ATP2B1: variants seen among roughly 807,000 people sequenced by gnomAD.
ATP2B1 encodes the protein ATPase plasma membrane Ca2+ transporting 1, also known as plasma membrane calcium-transporting ATPase 1.
ATP2B1 carries 14 observed loss-of-function variants against 124.2 expected under a neutral mutation model. That is an observed-to-expected ratio of 0.11 (90% confidence interval 0.07 to 0.18). The LOEUF (loss-of-function observed/expected upper bound fraction) is 0.18, where lower values mean the gene tolerates loss of function less well. ATP2B1 is among the 10% of genes least tolerant of loss of function. ATP2B1 has a pLI of 1.00. For synonymous variants in ATP2B1, 449 were observed against 492.4 expected, an observed-to-expected ratio of 0.91 and a Z score of 1.17; for missense variants, 763 against 1,466.1, an observed-to-expected ratio of 0.52 and a Z score of 7.83.
At chr12:89,599,477 T>A (rs2135914952) in intron 19 of ATP2B1, among the ~76,000 whole-genome samples, 178 bp from the exon 20 acceptor site, 1 of 152,330 alleles carries the variant, frequency 6.6e-6, no homozygotes, top group South Asian at 2.1e-4. Flanking sequence ...TTCTCTTAGC[T>A]ACACAAAAGA....
intron 2 of ATP2B1, among the ~76,000 whole-genome samples, chr12:89,652,772 C>T (rs548925059): frequency 4.6e-5 from 7 of 152,282 alleles, no homozygotes; most frequent in African/African-American, 1.7e-4. Context: ...GGGTCTCCCT[C>T]TGTTACCCAG....
At chr12:89,699,475 A>G (rs1193314480) in intron 1 of ATP2B1, among the ~76,000 whole-genome samples, 1 of 152,232 alleles carries the variant, frequency 6.6e-6, no homozygotes, top group Non-Finnish European at 1.5e-5. Context: ...TAACAGAATA[A>G]AGAAATAAAT....
intron 3 of ATP2B1, among the ~76,000 whole-genome samples, chr12:89,636,336 T>C (rs1882709954): frequency 6.6e-6 from 1 of 152,062 alleles, no homozygotes; most frequent in African/African-American, 2.4e-5. Flanking sequence ...CAAAATCAAT[T>C]CAGTGGCTCA....
At chr12:89,650,288 T>G (rs1885073151) in intron 2 of ATP2B1, among the ~76,000 whole-genome samples, 1 of 152,198 alleles carries the variant, frequency 6.6e-6, no homozygotes, top group African/African-American at 2.4e-5. Context: ...TCTCATGATT[T>G]TCTCAATTTC....
rs1188151795 is a variant in ATP2B1 at position 89,642,360 on chromosome 12, T to C, written c.209-5A>G. 1 of 1,597,428 alleles carries C rather than the reference T, an allele frequency of 6.3e-7. No homozygotes were observed. The highest frequency in any genetic ancestry group is 8.5e-7 in the Non-Finnish European group (1 of 1,174,614). The stretch of plus-strand genomic sequence containing the variant: ...CTGCAGGGTTTCCACTTAAACCTAA[T>C]AAAAAGAAACAAATTTCAGTGAACA... On this transcript the variant is annotated splice_region_variant and splice_polypyrimidine_tract_variant and intron_variant, in intron 2 of 20. Transcript: ENST00000428670.
intron 10 of ATP2B1, among the ~76,000 whole-genome samples, chr12:89,620,754 A>G (rs1005249736): frequency 1.3e-5 from 2 of 152,194 alleles, no homozygotes; most frequent in African/African-American, 2.4e-5. Context: ...ACCACTTTAC[A>G]TAATTATCAC....
upstream of ATP2B1, chr12:89,709,233 C>G (rs1175892014): frequency 6.6e-6 from 1 of 151,282 alleles, no homozygotes; most frequent in Admixed American, 6.6e-5. Context: ...TCCGGTCTGG[C>G]GCTCCCTTTT....
intron 1 of ATP2B1, among the ~76,000 whole-genome samples, chr12:89,707,812 T>C (rs1275267264): frequency 6.6e-6 from 1 of 152,048 alleles, no homozygotes; most frequent in Non-Finnish European, 1.5e-5. Flanking sequence ...CTAACCAGCT[T>C]AGCCACAGGA....
At chr12:89,672,985 T>C (rs975739121) in intron 1 of ATP2B1, among the ~76,000 whole-genome samples, 1 of 152,248 alleles carries the variant, frequency 6.6e-6, no homozygotes, top group Non-Finnish European at 1.5e-5. Flanking sequence ...TACAAAACTA[T>C]AATTCTAAGC....
intron 1 of ATP2B1, among the ~76,000 whole-genome samples, chr12:89,685,448 A>G (rs1013907446): frequency 1.3e-5 from 2 of 152,160 alleles, no homozygotes; most frequent in Middle Eastern, 3.4e-3. Flanking sequence ...TTTCTTCAAC[A>G]ACTTCTTTCA....
Position 89,604,352 on chromosome 12 carries a change from A to T in ATP2B1, c.2443-6T>A. The T allele has an allele frequency of 6.4e-7, 1 of 1,574,048 alleles. No individual in the cohort carries two copies. Among genetic ancestry groups the T allele is most frequent in the South Asian group, 1.2e-5 (1 of 84,420 alleles). On this transcript the variant is annotated splice_polypyrimidine_tract_variant and splice_region_variant and intron_variant, in intron 15 of 20. Coordinates refer to ENST00000428670, the MANE Select transcript of ATP2B1 (RefSeq NM_001366521.1). Reference sequence around the variant, plus strand: ...ACATCAGTTCCAGCAATACCCTGTTAAAAAAAATTTTGTGAATTAGACTAA... The same window carrying T: ...ACATCAGTTCCAGCAATACCCTGTTTAAAAAAATTTTGTGAATTAGACTAA...
chr12:89,677,421 T>C (rs896748600), intron 1 of ATP2B1, among the ~76,000 whole-genome samples: 3 of 152,176 alleles, frequency 2.0e-5, no homozygotes, highest in African/African-American at 7.2e-5. Flanking sequence ...CCTTCAAATA[T>C]TCTCCTCTTA....
At chr12:89,698,107 G>C (rs1891390610) in intron 1 of ATP2B1, among the ~76,000 whole-genome samples, 1 of 152,024 alleles carries the variant, frequency 6.6e-6, no homozygotes, top group African/African-American at 2.4e-5. Flanking sequence ...CTGACCTCAA[G>C]TGATCCACTC....
intron 2 of ATP2B1, among the ~76,000 whole-genome samples, chr12:89,653,716 G>T (rs907634430): frequency 6.6e-6 from 1 of 152,154 alleles, no homozygotes; most frequent in Non-Finnish European, 1.5e-5. Context: ...TGTACTAGAG[G>T]TAAAATTTTC....
At chr12:89,685,896 A>G (rs1259144323) in intron 1 of ATP2B1, among the ~76,000 whole-genome samples, 1 of 152,068 alleles carries the variant, frequency 6.6e-6, no homozygotes, top group Non-Finnish European at 1.5e-5. Context: ...ACACAGCAAG[A>G]AGAAGGCCAT....
At chr12:89,676,340 AT>A (rs1253181308) in intron 1 of ATP2B1, among the ~76,000 whole-genome samples, 1 of 152,182 alleles carries the variant, frequency 6.6e-6, no homozygotes, top group East Asian at 1.9e-4. Flanking sequence ...CTGGTGATGT[AT>A]TTTGTCAGAC....
At chr12:89,597,061 C>A (rs961109950) in intron 20 of ATP2B1, among the ~76,000 whole-genome samples, 8 of 152,088 alleles carry the variant, frequency 5.3e-5, no homozygotes, top group African/African-American at 1.7e-4. Flanking sequence ...AAATTTCCAA[C>A]TACTTTTTTT....
At chr12:89,677,954 T>TTATATATATATATATATATATATA (rs61256358) in intron 1 of ATP2B1, among the ~76,000 whole-genome samples, 1 of 68,760 alleles carries the variant, frequency 1.5e-5, no homozygotes, top group African/African-American at 6.4e-5. Context: ...CATGCAGGAA[T>TTATATATATATATATATATATATA]TATATATATA....
chr12:89,644,864 T>C (rs1387977612), intron 2 of ATP2B1, among the ~76,000 whole-genome samples: 2 of 152,212 alleles, frequency 1.3e-5, no homozygotes, highest in East Asian at 3.8e-4. Context: ...CAGGGACCAA[T>C]ATTTTATGTT....
Sources: allele counts gnomAD v4.1 joint callset (sites outside exome capture counted in the v4.1 genomes callset), GRCh38; gene constraint gnomAD v4.1.1; transcripts MANE v1.5; gene names NCBI Gene and HGNC (gene_info 2026-07-23, HGNC 2026-07-21).